The following UCK2 variants were observed in gnomAD, a reference collection of about 807,000 sequenced individuals.
UCK2 encodes the protein uridine-cytidine kinase 2.
In UCK2, 6 loss-of-function variants were observed where a neutral mutation model predicts 30.8. The ratio of observed to expected loss-of-function variants is 0.19; its 90% CI spans 0.11 to 0.38. The LOEUF (loss-of-function observed/expected upper bound fraction) is 0.38. Among genes scored for constraint, UCK2 ranks in the 10% least tolerant of loss-of-function variants. The pLI is 1.00. For synonymous variants in UCK2, 125 were observed against 133.6 expected, an observed-to-expected ratio of 0.94 and a Z score of 0.45; for missense variants, 210 against 339.8, an observed-to-expected ratio of 0.62 and a Z score of 3.00.
At chr1:165,830,331 T>C (rs1340658784) in intron 1 of UCK2, among the ~76,000 whole-genome samples, 1 of 24,672 alleles carries the variant, frequency 4.1e-5, no homozygotes, top group African/African-American at 5.8e-4. Flanking sequence ...TTTTTTATTA[T>C]TTTTTTTTTT....
chr1:165,862,790 C>G (rs953950983), intron 1 of UCK2, among the ~76,000 whole-genome samples: 2 of 152,226 alleles, frequency 1.3e-5, no homozygotes, highest in Admixed American at 6.5e-5. Context: ...TTAAAAAGTT[C>G]CCGACACAGA....
intron 1 of UCK2, among the ~76,000 whole-genome samples, chr1:165,846,910 CG>C (rs145558126): frequency 1.3e-3 from 203 of 152,110 alleles, no homozygotes; most frequent in Non-Finnish European, 1.4e-3. Flanking sequence ...AGCCTGTATG[CG>C]GGGGCACCTG....
At chr1:165,870,835 C>T (rs1042755474) in intron 1 of UCK2, among the ~76,000 whole-genome samples, 2 of 151,720 alleles carry the variant, frequency 1.3e-5, no homozygotes, top group Admixed American at 6.6e-5. Context: ...TCTTTTTTTT[C>T]GAGAAGGAGT....
chr1:165,829,515 A>G (rs374075457), intron 1 of UCK2, among the ~76,000 whole-genome samples: 1 of 152,186 alleles, frequency 6.6e-6, no homozygotes, highest in Non-Finnish European at 1.5e-5. Flanking sequence ...CAGTCCTCCT[A>G]AAGTGGGGAG....
chr1:165,865,416 A>G (rs1353494883), intron 1 of UCK2, among the ~76,000 whole-genome samples: 1 of 152,198 alleles, frequency 6.6e-6, no homozygotes, highest in Non-Finnish European at 1.5e-5. Flanking sequence ...CCTGCAAAGC[A>G]TGGCAAGTGC....
At chr1:165,885,901 G>A (rs1333153389) in intron 1 of UCK2, among the ~76,000 whole-genome samples, 2 of 152,020 alleles carry the variant, frequency 1.3e-5, no homozygotes, top group Non-Finnish European at 2.9e-5. Flanking sequence ...TTTTAATTGT[G>A]GTAAAATACA....
At chr1:165,888,598 G>GT (rs1349909741) in intron 1 of UCK2, among the ~76,000 whole-genome samples, 2 of 139,050 alleles carry the variant, frequency 1.4e-5, no homozygotes, top group African/African-American at 5.3e-5. Context: ...TAAATATGCT[G>GT]TTTTTCCTTT....
rs372509507 is a variant in UCK2 at position 165,903,243 on chromosome 1, G to A, written c.561G>A (p.Thr187=). Residue 187 remains threonine (T), a synonymous_variant, in exon 5 of 7, where the codon ACG becomes ACA. Coordinates refer to ENST00000367879, the MANE Select transcript of UCK2 (RefSeq NM_012474.5). ...AGCAGATTTTATCTCAGTACATTAC[G>A]TTCGTCAAGCCTGCCTTTGAGGAAT... ...DLEQILSQYI[T]FVKPAFEEFC... 1.3e-5 allele frequency: 21 copies of A among 1,613,940 alleles called. No individual in the cohort carries two copies. The highest frequency in any genetic ancestry group is 1.6e-4 in the Middle Eastern group (1 of 6,084).
At chr1:165,875,695 T>G (rs112142120) in intron 1 of UCK2, among the ~76,000 whole-genome samples, 1 of 152,268 alleles carries the variant, frequency 6.6e-6, no homozygotes, top group Non-Finnish European at 1.5e-5. Context: ...GAAACACTTA[T>G]GTTTACTGGT....
intron 3 of UCK2, chr1:165,892,612 A>T (rs569409052): frequency 6.6e-6 from 1 of 152,364 alleles, no homozygotes; most frequent in African/African-American, 2.4e-5. Flanking sequence ...GATTCTGAGA[A>T]TTGTAGTTCT....
At position 165,842,505 on chromosome 1, in the gene UCK2, G is replaced by A. The variant is rs75608201; in HGVS notation, c.99+14573G>A. On this transcript the variant is annotated intron_variant, in intron 1 of 6. Transcript: ENST00000367879. Reference sequence around the variant, plus strand: ...AGATGTACAAGACAGAAACCTTACAGTCATCTCTGTCACTCCTGCACTTCC... The same window carrying A: ...AGATGTACAAGACAGAAACCTTACAATCATCTCTGTCACTCCTGCACTTCC... Among the ~76,000 whole-genome samples, 1,003 of 152,240 alleles carry A rather than the reference G, an allele frequency of 6.6e-3. 9 individuals are homozygous for A. Among genetic ancestry groups the A allele is most frequent in the African/African-American group, 0.023 (962 of 41,538 alleles).
chr1:165,879,066 T>C (rs994499440), intron 1 of UCK2, among the ~76,000 whole-genome samples: 2 of 152,240 alleles, frequency 1.3e-5, no homozygotes, highest in African/African-American at 4.8e-5. Context: ...TGACAATAGA[T>C]GTGGAACATC....
rs187834164 is a variant in UCK2 at position 165,837,286 on chromosome 1, T to G, written c.99+9354T>G. Reference sequence around the variant, plus strand: ...TACAGAAGAGGGTCCTTACAAGCCCTTACATTTTGACAGTTCTGTAACTAG... The same window carrying G: ...TACAGAAGAGGGTCCTTACAAGCCCGTACATTTTGACAGTTCTGTAACTAG... On this transcript the variant is annotated intron_variant, in intron 1 of 6. Transcript: ENST00000367879. 2.0e-5 allele frequency among the ~76,000 whole-genome samples: 3 copies of G among 152,332 alleles called. No individual in the cohort carries two copies. The East Asian group carries it at 5.8e-4, about 29-fold the overall frequency.
chr1:165,910,749 A>G lies in UCK2; in HGVS notation c.*2926A>G, dbSNP rs1043308987. ...GTGGGACAGGCCAGGGAAGGAGGGC[A>G]GAGACAGGGTCTCCAGTTCACCTTG... is the stretch of plus-strand genomic sequence containing the variant. On this transcript the variant is annotated 3_prime_UTR_variant, in exon 7 of 7. Coordinates refer to ENST00000367879, the MANE Select transcript of UCK2 (RefSeq NM_012474.5). 2.4e-4 allele frequency: 36 copies of G among 152,410 alleles called. No individual in the cohort carries two copies. The highest frequency in any genetic ancestry group is 8.4e-4 in the African/African-American group (35 of 41,462). 9.4% of individuals were successfully genotyped at this position (152,410 alleles called of 1,614,324 possible).
chr1:165,891,048 T>C (rs1655753055), intron 2 of UCK2, 178 bp from the exon 3 acceptor site: 1 of 587,284 alleles, frequency 1.7e-6, no homozygotes, highest in South Asian at 2.0e-5. Context: ...ACACCCTATT[T>C]TGAGATACAG....
chr1:165,904,855 A>G (rs1360913491), intron 5 of UCK2, among the ~76,000 whole-genome samples: 1 of 152,268 alleles, frequency 6.6e-6, no homozygotes, highest in Non-Finnish European at 1.5e-5. Flanking sequence ...AGAATGGTCT[A>G]CAAAATCTCA....
chr1:165,891,156 G>A, intron 2 of UCK2, 70 bp from the exon 3 acceptor site: 1 of 1,326,774 alleles, frequency 7.5e-7, no homozygotes. Context: ...TTATGAGGAT[G>A]CCTTGTGTAT....
intron 1 of UCK2, among the ~76,000 whole-genome samples, chr1:165,864,314 T>C (rs1159408367): frequency 1.3e-5 from 2 of 152,250 alleles, no homozygotes; most frequent in Admixed American, 1.3e-4. Flanking sequence ...GCCACCTCTT[T>C]GTGCCTTCTT....
At chr1:165,888,708 C>G (rs1335382453) in intron 1 of UCK2, among the ~76,000 whole-genome samples, 1 of 117,986 alleles carries the variant, frequency 8.5e-6, no homozygotes, top group East Asian at 2.7e-4. Context: ...GTCTCGAATT[C>G]CTGACCTCAA....
Sources: gnomAD v4.1 joint callset for allele counts (sites outside exome capture counted in the v4.1 genomes callset) on GRCh38, gnomAD v4.1.1 for gene constraint, MANE v1.5 for transcripts, NCBI Gene and HGNC (gene_info 2026-07-23, HGNC 2026-07-21) for gene names.